ASB9: variants seen among roughly 807,000 people sequenced by gnomAD.
The protein encoded by ASB9 is ankyrin repeat and SOCS box containing 9, also known as ankyrin repeat and SOCS box protein 9.
Under a neutral mutation model 16.6 loss-of-function variants are expected in ASB9, and 5 were observed. The ratio of observed to expected loss-of-function variants is 0.30; its 90% CI spans 0.16 to 0.63. The LOEUF (loss-of-function observed/expected upper bound fraction) is 0.63, where lower values mean the gene tolerates loss of function less well. Ranked by LOEUF, ASB9 falls within the 30% of genes least tolerant of loss-of-function variation. The pLI is 0.82. For missense variants in ASB9, 216 were observed against 229.4 expected, an observed-to-expected ratio of 0.94 and a Z score of 0.38; for synonymous variants, 100 against 86.4, an observed-to-expected ratio of 1.16 and a Z score of -0.87.
Position 15,246,515 on chromosome X carries a change from G to A in ASB9, c.761-1885C>T, listed in dbSNP as rs768325356. 1.1e-4 allele frequency among the ~76,000 whole-genome samples: 12 copies of A among 111,140 alleles called. No homozygotes were observed. The South Asian group carries it at 2.3e-3, about 22-fold the overall frequency. ...TTTTGAGACTGAGTCTCACTCTGTC[G>A]CCCAGGCTGGAGTGCAGTGGTGTGA... On this transcript the variant is annotated intron_variant, in intron 6 of 6. Transcript: ENST00000380488.
chrX:15,261,319 T>G (rs987476203), intron 1 of ASB9, among the ~76,000 whole-genome samples: 3 of 111,939 alleles, frequency 2.7e-5, no homozygotes, highest in African/African-American at 9.7e-5. Context: ...TTCAATAGAT[T>G]TGCAAATGTA....
rs1435026019 is a variant in ASB9 at position 15,244,569 on chromosome X, C to T, written c.822G>A (p.Gln274=). The change falls in exon 7 of 7, where the codon CAG becomes CAA. Residue 274 remains glutamine, a synonymous_variant. Coordinates refer to ENST00000380488, the MANE Select transcript of ASB9 (RefSeq NM_001031739.3). ...GGACGAGTTTGGTTATCTTATGATG[C>T]TGCTGGATTCCAAAACACTTCCGAA... ...LRIRKCFGIQ[Q]HHKITKLVLP... 4.2e-6 allele frequency: 5 copies of T among 1,197,119 alleles called. No homozygotes were observed. Among genetic ancestry groups the T allele is most frequent in the Non-Finnish European group, 5.7e-6 (5 of 883,046 alleles).
chrX:15,270,074 G>T lies in ASB9; in HGVS notation c.-200C>A. 2.9e-6 allele frequency: 1 copy of T among 347,263 alleles called. No individual in the cohort carries two copies. The highest frequency in any genetic ancestry group is 4.8e-6 in the Non-Finnish European group (1 of 209,666). The allele number at this position is 347,263 out of a possible 1,213,427, so 28.6% of individuals were successfully genotyped here. On this transcript the variant is annotated 5_prime_UTR_variant, in exon 1 of 7. Coordinates refer to ENST00000380488, the MANE Select transcript of ASB9 (RefSeq NM_001031739.3). ...TACCTGTGATCAGAGAGAGGCATGCGCTCGTGTACACACACACACACACAC... is the reference window on the plus strand; with the variant it reads ...TACCTGTGATCAGAGAGAGGCATGCTCTCGTGTACACACACACACACACAC...
intron 5 of ASB9, among the ~76,000 whole-genome samples, chrX:15,250,166 C>A: frequency 9.2e-6 from 1 of 108,336 alleles, no homozygotes; most frequent in Non-Finnish European, 1.9e-5. Flanking sequence ...AACTAATAAT[C>A]ATTGAGGACC....
At chrX:15,245,087 G>T (rs1602132041) in intron 6 of ASB9, among the ~76,000 whole-genome samples, 1 of 112,109 alleles carries the variant, frequency 8.9e-6, no homozygotes, top group South Asian at 3.7e-4. Flanking sequence ...AAGAGTATGT[G>T]AAGTCGTGTT....
Position 15,254,618 on chromosome X carries a change from A to G in ASB9, c.282+119T>C, listed in dbSNP as rs191615143. On this transcript the variant is annotated intron_variant, in intron 3 of 6. Transcript: ENST00000380488. ...GCCTGATGAACATAATTTTCTTGAA[A>G]AACAACTGTCTTCATATTTCAAATC... 38 of 569,282 alleles carry G rather than the reference A, an allele frequency of 6.7e-5. No individual in the cohort carries two copies. In the East Asian group the frequency reaches 7.6e-4, roughly 11 times the overall value. 46.9% of individuals were successfully genotyped at this position (569,282 alleles called of 1,213,427 possible). A position where few individuals can be genotyped will look rare whatever the true frequency, so the allele number is the denominator to read the frequency against.
At chrX:15,263,393 T>C (rs1273986919) in intron 1 of ASB9, among the ~76,000 whole-genome samples, 1 of 110,848 alleles carries the variant, frequency 9.0e-6, no homozygotes, top group Non-Finnish European at 1.9e-5. Context: ...CTTGGTTTGA[T>C]CCCAGGACAA....
chrX:15,258,972 T>C (rs973098246), intron 1 of ASB9, 27 bp from the exon 2 acceptor site: 1 of 1,130,129 alleles, frequency 8.8e-7, no homozygotes, highest in Non-Finnish European at 1.2e-6. Context: ...GAATGGGTTA[T>C]ATCCTGCTAA....
intron 3 of ASB9, 152 bp downstream of exon 3, chrX:15,254,585 G>C: frequency 2.1e-6 from 1 of 487,247 alleles, no homozygotes; most frequent in Non-Finnish European, 3.6e-6. Flanking sequence ...CATCACTAAA[G>C]CAAACAAGCC....
At chrX:15,268,639 T>A (rs1926741484) in intron 1 of ASB9, among the ~76,000 whole-genome samples, 1 of 106,445 alleles carries the variant, frequency 9.4e-6, no homozygotes, top group Non-Finnish European at 1.9e-5. Context: ...TTGGCCAGGA[T>A]GGTATCCTGA....
intron 6 of ASB9, among the ~76,000 whole-genome samples, chrX:15,246,271 G>A (rs1924659840): frequency 8.9e-6 from 1 of 111,745 alleles, no homozygotes; most frequent in Admixed American, 9.5e-5. Context: ...TTTACTACAA[G>A]TAAGACAATG....
In ASB9 at chrX:15,254,855, G is replaced by T. The variant is rs1283768275; in HGVS notation, c.175-11C>A. ...GTTCACAGCCCACCCCTGAAGGAGG[G>T]GAAACAGTCAGAGTAAGGGGTGCAA... On this transcript the variant is annotated splice_polypyrimidine_tract_variant and intron_variant, in intron 2 of 6. Transcript: ENST00000380488. 1 of 1,190,806 alleles carries T rather than the reference G, an allele frequency of 8.4e-7. No individual in the cohort carries two copies. The highest frequency in any genetic ancestry group is 3.0e-5 in the East Asian group (1 of 33,764).
In ASB9 at chrX:15,244,002, A is replaced by G. The variant is rs1397375709; in HGVS notation, c.*504T>C. 8.8e-6 allele frequency: 1 copy of G among 114,113 alleles called. No homozygotes were observed. Among genetic ancestry groups the G allele is most frequent in the Non-Finnish European group, 1.8e-5 (1 of 54,494 alleles). The allele number at this position is 114,113 out of a possible 1,213,427, so 9.4% of individuals were successfully genotyped here. On this transcript the variant is annotated 3_prime_UTR_variant, in exon 7 of 7. Coordinates refer to ENST00000380488, the MANE Select transcript of ASB9 (RefSeq NM_001031739.3). The stretch of plus-strand genomic sequence containing the variant: ...TTAAAACAAATTAGACAAGCCAAGA[A>G]ATATGTTTCTTTATTTTCATTCCCA...
At chrX:15,246,075 A>G (rs1332418263) in intron 6 of ASB9, among the ~76,000 whole-genome samples, 1 of 111,829 alleles carries the variant, frequency 8.9e-6, no homozygotes, top group Non-Finnish European at 1.9e-5. Context: ...AACCTCACTA[A>G]GGAATGTTGA....
intron 1 of ASB9, among the ~76,000 whole-genome samples, chrX:15,264,491 C>CTTTA (rs1198474348): frequency 9.0e-6 from 1 of 111,662 alleles, no homozygotes; most frequent in African/African-American, 3.3e-5. Flanking sequence ...AAACAAATCT[C>CTTTA]TATAAAGAGT....
intron 3 of ASB9, 143 bp downstream of exon 3, chrX:15,254,593 GC>G (rs1925385597): frequency 2.0e-6 from 1 of 503,241 alleles, no homozygotes; most frequent in African/African-American, 2.3e-5. Flanking sequence ...AAGCAAACAA[GC>G]CTGATGAACA....
intron 2 of ASB9, among the ~76,000 whole-genome samples, chrX:15,255,820 C>A (rs1925487624): frequency 9.0e-6 from 1 of 111,709 alleles, no homozygotes; most frequent in African/African-American, 3.3e-5. Flanking sequence ...TTTAGGAAGC[C>A]TAAATGTACT....
At chrX:15,265,004 G>A (rs768044266) in intron 1 of ASB9, among the ~76,000 whole-genome samples, 2 of 112,108 alleles carry the variant, frequency 1.8e-5, no homozygotes, top group South Asian at 7.4e-4. Context: ...CTTAGCACCT[G>A]TGTAATTACA....
chrX:15,250,867 C>G (rs1398651239), intron 4 of ASB9, among the ~76,000 whole-genome samples: 1 of 111,549 alleles, frequency 9.0e-6, no homozygotes, highest in Non-Finnish European at 1.9e-5. Context: ...ACTACAGGCG[C>G]CCGCCACCAC....
Sources: gnomAD v4.1 joint callset for allele counts (sites outside exome capture counted in the v4.1 genomes callset) on GRCh38, gnomAD v4.1.1 for gene constraint, MANE v1.5 for transcripts, NCBI Gene and HGNC (gene_info 2026-07-23, HGNC 2026-07-21) for gene names.